C12orf42: variants seen among roughly 807,000 people sequenced by gnomAD.
C12orf42 encodes chromosome 12 open reading frame 42, also known as uncharacterized protein C12orf42.
C12orf42 carries 25 observed loss-of-function variants against 21.6 expected under a neutral mutation model. The ratio of observed to expected loss-of-function variants is 1.16; its 90% CI spans 0.84 to 1.62. The LOEUF (loss-of-function observed/expected upper bound fraction) is 1.62, where lower values mean the gene tolerates loss of function less well. Ranked by LOEUF, C12orf42 falls within the 40% of genes most tolerant of loss-of-function variation. The pLI is 0.00. For missense variants in C12orf42, 483 were observed against 459.3 expected (o/e 1.05, Z -0.47); for synonymous variants, 174 against 175.0 (o/e 0.99, Z 0.05).
At chr12:103,199,257 A>G in the C12orf42 span, among the ~76,000 whole-genome samples, 1 of 152,224 alleles carries the variant, frequency 6.6e-6, no homozygotes, top group Non-Finnish European at 1.5e-5. Context: ...GGATATCCAC[A>G]TTCAAAGGAA....
chr12:103,216,769 T>G, the C12orf42 span, among the ~76,000 whole-genome samples: 1 of 152,086 alleles, frequency 6.6e-6, no homozygotes, highest in African/African-American at 2.4e-5. Context: ...AACCCAGAGA[T>G]CATGTCCATT....
chr12:103,414,072 A>T (rs3953541), intron 2 of C12orf42, among the ~76,000 whole-genome samples: 125,983 of 152,180 alleles, frequency 0.83, 52,187 homozygotes, highest in Admixed American at 0.88. Flanking sequence ...ATCTCCATAT[A>T]GTTTTCCACA....
intron 2 of C12orf42, among the ~76,000 whole-genome samples, chr12:103,471,477 C>A (rs1953600592): frequency 6.6e-6 from 1 of 152,146 alleles, no homozygotes; most frequent in Non-Finnish European, 1.5e-5. Context: ...CAAAAATAAG[C>A]TATGTTGAGT....
At position 103,417,004 on chromosome 12, in the gene C12orf42, C is replaced by T. The variant is rs545451340; in HGVS notation, c.79-15329G>A. 2.0e-5 allele frequency among the ~76,000 whole-genome samples: 3 copies of T among 152,298 alleles called. No individual in the cohort carries two copies. The East Asian group carries it at 5.8e-4, about 29-fold the overall frequency. On this transcript the variant is annotated intron_variant, in intron 2 of 5. Transcript: ENST00000548883. The stretch of plus-strand genomic sequence containing the variant: ...ACATGGACTTTGATAATTGTGTCTT[C>T]TCTCCATACCTTCCCTATCTCACTG...
At chr12:103,417,786 T>C (rs918486540) in intron 2 of C12orf42, among the ~76,000 whole-genome samples, 1 of 152,166 alleles carries the variant, frequency 6.6e-6, no homozygotes, top group Non-Finnish European at 1.5e-5. Context: ...GGATAAGAAG[T>C]GGTTGGACTG....
chr12:103,557,290 C>T, the C12orf42 span: 1 of 152,136 alleles, frequency 6.6e-6, no homozygotes, highest in Non-Finnish European at 1.5e-5. Context: ...CTCAAAAAAG[C>T]TCAGAAATTA....
chr12:103,313,977 T>C (rs771108531), intron 4 of C12orf42, among the ~76,000 whole-genome samples: 2 of 152,064 alleles, frequency 1.3e-5, no homozygotes, highest in African/African-American at 2.4e-5. Context: ...TGGTTATAAA[T>C]AGTAGTGAGT....
the C12orf42 span, among the ~76,000 whole-genome samples, chr12:103,213,634 C>T: frequency 3.0e-3 from 459 of 152,282 alleles, 8 homozygotes; most frequent in East Asian, 0.041. Flanking sequence ...TGCAGTTGTA[C>T]CATCTTTAGT....
chr12:103,421,467 AGG>A, intron 2 of C12orf42, among the ~76,000 whole-genome samples: 1 of 151,962 alleles, frequency 6.6e-6, no homozygotes, highest in Non-Finnish European at 1.5e-5. Flanking sequence ...CCAGATACTT[AGG>A]AGGCTGAGGT....
the C12orf42 span, among the ~76,000 whole-genome samples, chr12:103,553,809 A>G: frequency 2.6e-5 from 4 of 152,244 alleles, no homozygotes; most frequent in South Asian, 2.1e-4. Context: ...ACCAGAGGAG[A>G]CAGAGGAGTT....
the C12orf42 span, among the ~76,000 whole-genome samples, chr12:103,113,891 A>C: frequency 2.6e-5 from 4 of 152,222 alleles, no homozygotes; most frequent in Non-Finnish European, 5.9e-5. Flanking sequence ...ACCAGGTTGC[A>C]CATTTATTTC....
At chr12:103,203,813 C>T in the C12orf42 span, among the ~76,000 whole-genome samples, 1 of 152,096 alleles carries the variant, frequency 6.6e-6, no homozygotes, top group Admixed American at 6.6e-5. Context: ...TATGTGTAAC[C>T]AAACGTCTAC....
At chr12:103,309,967 T>C (rs2136621112) in intron 4 of C12orf42, among the ~76,000 whole-genome samples, 1 of 152,336 alleles carries the variant, frequency 6.6e-6, no homozygotes, top group South Asian at 2.1e-4. Context: ...TGTCCCAGTA[T>C]AAGGGGCCAG....
chr12:103,257,217 G>A (rs2034657697), intron 10 of C12orf42, among the ~76,000 whole-genome samples: 1 of 152,116 alleles, frequency 6.6e-6, no homozygotes, highest in African/African-American at 2.4e-5. Context: ...GGAGGTGGGA[G>A]GAGGGAGAAG....
chr12:103,501,995 T>C, the C12orf42 span, among the ~76,000 whole-genome samples: 1 of 152,208 alleles, frequency 6.6e-6, no homozygotes, highest in Admixed American at 6.5e-5. Flanking sequence ...AAAGTACCTA[T>C]GCCTAGATCA....
chr12:103,423,694 G>A (rs550754711), intron 2 of C12orf42, among the ~76,000 whole-genome samples: 16 of 152,182 alleles, frequency 1.1e-4, no homozygotes, highest in Non-Finnish European at 1.8e-4. Flanking sequence ...ACATTTCTAT[G>A]AGGAATGACG....
At position 103,288,697 on chromosome 12, in the gene C12orf42, CT is replaced by C. The variant is rs545765966; in HGVS notation, n.338-11488del. ...GATTTTGCCCTTCATTCATGTCCCC[CT>C]GATACTGCTTACATGGTAAGATGCT... On this transcript the variant is annotated intron_variant and non_coding_transcript_variant, in intron 4 of 6. Coordinates refer to the C12orf42 transcript ENST00000546526. 5.1e-4 allele frequency among the ~76,000 whole-genome samples: 77 copies of C among 152,240 alleles called. No homozygotes were observed. In the Middle Eastern group the frequency reaches 0.01, roughly 20 times the overall value.
At chr12:103,257,548 A>AAGT (rs1318990144) in intron 10 of C12orf42, among the ~76,000 whole-genome samples, 1 of 152,156 alleles carries the variant, frequency 6.6e-6, no homozygotes, top group African/African-American at 2.4e-5. Context: ...CTGAGAACTG[A>AAGT]AGTGATAGAA....
chr12:103,368,036 C>T (rs2137872202), intron 4 of C12orf42: 1 of 1,272,460 alleles, frequency 7.9e-7, no homozygotes, highest in African/African-American at 1.5e-5. Flanking sequence ...GTCCTAAAAA[C>T]TTCATTATCT....
Sources: gnomAD v4.1 joint callset for allele counts (sites outside exome capture counted in the v4.1 genomes callset) on GRCh38, gnomAD v4.1.1 for gene constraint, MANE v1.5 for transcripts, NCBI Gene and HGNC (gene_info 2026-07-23, HGNC 2026-07-21) for gene names.